Variants in COL4A5 observed in about 807,000 individuals in gnomAD.
The protein encoded by COL4A5 is collagen type IV alpha 5 chain.
COL4A5 carries 26 observed loss-of-function variants against 130.2 expected under a neutral mutation model. The ratio of observed to expected loss-of-function variants is 0.20; its 90% CI spans 0.15 to 0.28. The LOEUF (loss-of-function observed/expected upper bound fraction) is 0.28, where lower values mean the gene tolerates loss of function less well. Among genes scored for constraint, COL4A5 ranks in the 10% least tolerant of loss-of-function variants. COL4A5 has a pLI of 1.00. For synonymous variants in COL4A5, 496 were observed against 439.6 expected, an observed-to-expected ratio of 1.13 and a Z score of -1.60; for missense variants, 1,131 against 1,344.3, an observed-to-expected ratio of 0.84 and a Z score of 2.48.
At chrX:108,611,712 C>T (rs1392679732) in intron 29 of COL4A5, among the ~76,000 whole-genome samples, 2 of 110,702 alleles carry the variant, frequency 1.8e-5, no homozygotes, top group Non-Finnish European at 3.8e-5. Context: ...CTGGTAAATT[C>T]TAACAAACAT....
intron 36 of COL4A5, among the ~76,000 whole-genome samples, chrX:108,646,533 C>T (rs2067594012): frequency 9.0e-6 from 1 of 110,874 alleles, no homozygotes; most frequent in Admixed American, 9.6e-5. Flanking sequence ...TGTAGGTTGC[C>T]TGTTCACTCT....
At chrX:108,531,531 A>G (rs182029531) in intron 1 of COL4A5, among the ~76,000 whole-genome samples, 3 of 110,100 alleles carry the variant, frequency 2.7e-5, no homozygotes, top group East Asian at 2.8e-4. Context: ...CAATCTAGCA[A>G]TGCACCTCAA....
chrX:108,601,671 C>T (rs1230914919), intron 26 of COL4A5, among the ~76,000 whole-genome samples, 186 bp downstream of exon 26: 4 of 109,788 alleles, frequency 3.6e-5, no homozygotes, highest in African/African-American at 1.3e-4. Context: ...GCTGGGATTA[C>T]AGGCGCCCAC....
chrX:108,665,429 A>G (rs1303254467), intron 37 of COL4A5, 78 bp from the exon 38 acceptor site: 6 of 713,387 alleles, frequency 8.4e-6, no homozygotes, highest in Non-Finnish European at 1.3e-5. Flanking sequence ...TGCTAGCACT[A>G]TAAATTGTAA....
chrX:108,508,517 C>T (rs1023257798), intron 1 of COL4A5, among the ~76,000 whole-genome samples: 7 of 92,852 alleles, frequency 7.5e-5, no homozygotes, highest in African/African-American at 1.7e-4. Flanking sequence ...TGACATTCTT[C>T]GCAGAACTAG....
intron 36 of COL4A5, among the ~76,000 whole-genome samples, chrX:108,647,696 A>C (rs1205862639): frequency 5.4e-5 from 6 of 111,506 alleles, no homozygotes; most frequent in Admixed American, 2.9e-4. Flanking sequence ...TTTGCCCATT[A>C]AGTATGATAT....
intron 36 of COL4A5, chrX:108,627,098 T>C (rs756676823): frequency 3.1e-6 from 2 of 639,669 alleles, no homozygotes; most frequent in South Asian, 1.6e-4. Context: ...ATTTTGATCA[T>C]CTAATTGATC....
chrX:108,578,100 A>G lies in COL4A5; in HGVS notation c.668A>G (p.Gln223Arg). ...CAGGGGAATATGGGCTTAAATTTCC[A>G]GGGACCCAAAGGTGAAAAAGTGAGT... ...GPKGNMGLNFQGPKGEKGEQG... is the reference protein window; with the variant it reads ...GPKGNMGLNFRGPKGEKGEQG... Residue 223 changes from glutamine to arginine, a missense_variant, in exon 12 of 53, where the codon CAG becomes CGG. Gln to Arg is a conservative substitution (Grantham distance 43, BLOSUM62 1). Transcript: ENST00000328300. 1 of 1,210,478 alleles carries G rather than the reference A, an allele frequency of 8.3e-7. No individual in the cohort carries two copies. Among genetic ancestry groups the G allele is most frequent in the South Asian group, 1.8e-5 (1 of 56,861 alleles).
chrX:108,573,104 G>C (rs1001991118), intron 8 of COL4A5, among the ~76,000 whole-genome samples: 1 of 108,157 alleles, frequency 9.2e-6, no homozygotes, highest in African/African-American at 3.4e-5. Context: ...GACTACCCAA[G>C]CTAATTTTCT....
intron 29 of COL4A5, among the ~76,000 whole-genome samples, chrX:108,610,155 C>T (rs955600798): frequency 1.8e-5 from 2 of 110,130 alleles, no homozygotes; most frequent in African/African-American, 3.3e-5. Context: ...TCTTCTACTC[C>T]CTTGATTTTG....
chrX:108,470,787 T>G (rs1460488713), intron 1 of COL4A5, among the ~76,000 whole-genome samples: 1 of 111,861 alleles, frequency 8.9e-6, no homozygotes, highest in East Asian at 2.8e-4. Context: ...TGTGCTACAT[T>G]TAAGTCTTTA....
At position 108,597,014 on chromosome X, in the gene COL4A5, T is replaced by C; in HGVS notation, c.1533T>C (p.Pro511=). 2 of 1,187,128 alleles carry C rather than the reference T, an allele frequency of 1.7e-6. No individual in the cohort carries two copies. Among genetic ancestry groups the C allele is most frequent in the Non-Finnish European group, 2.3e-6 (2 of 881,099 alleles). ...GTGTGTTAGGATCTCTTGGTTTCCC[T>C]GGACAGAAAGGGGAAAAAGGACAAG... ...LPGPPGSLGF[P]GQKGEKGQAG... is the part of the protein sequence containing the mutation. Residue 511 remains proline (P), a synonymous_variant, in exon 23 of 53, where the codon CCT becomes CCC. Coordinates refer to ENST00000328300, the MANE Select transcript of COL4A5 (RefSeq NM_033380.3).
intron 36 of COL4A5, among the ~76,000 whole-genome samples, chrX:108,637,367 C>T (rs969015133): frequency 1.8e-5 from 2 of 110,956 alleles, no homozygotes; most frequent in African/African-American, 3.3e-5. Context: ...AAATCAAAAA[C>T]CTAACTTTAC....
At chrX:108,603,126 T>C in intron 28 of COL4A5, 65 bp downstream of exon 28, 2 of 735,411 alleles carry the variant, frequency 2.7e-6, no homozygotes, top group Non-Finnish European at 2.1e-6. Context: ...TATTTCTAGC[T>C]CTCTATTTTG....
chrX:108,555,737 G>A (rs1339471284), intron 2 of COL4A5, among the ~76,000 whole-genome samples: 4 of 111,348 alleles, frequency 3.6e-5, no homozygotes, highest in East Asian at 2.8e-4. Flanking sequence ...TATAAAGTGC[G>A]CTTCCTGAAG....
chrX:108,626,366 A>G lies in COL4A5; in HGVS notation c.3246+17A>G. 8.3e-7 allele frequency: 1 copy of G among 1,209,871 alleles called. No individual in the cohort carries two copies. The highest frequency in any genetic ancestry group is 1.1e-6 in the Non-Finnish European group (1 of 894,259). On this transcript the variant is annotated intron_variant, in intron 36 of 52. Transcript: ENST00000328300. ...GGTCCAAAGGTAATCTTTGGCATAT[A>G]GTTTTAGGCACATACTTGAGCAGAT...
chrX:108,471,345 T>A (rs2064768067), intron 1 of COL4A5, among the ~76,000 whole-genome samples: 2 of 112,104 alleles, frequency 1.8e-5, no homozygotes, highest in South Asian at 3.7e-4. Context: ...GTAGTTCTTC[T>A]TGTAGAGATA....
intron 36 of COL4A5, among the ~76,000 whole-genome samples, chrX:108,629,753 T>A (rs1348761271): frequency 9.0e-6 from 1 of 111,249 alleles, no homozygotes; most frequent in African/African-American, 3.3e-5. Context: ...CGTATTGGTT[T>A]GTTGCACCCA....
At chrX:108,570,854 A>G (rs1385546836) in intron 6 of COL4A5, among the ~76,000 whole-genome samples, 1 of 111,979 alleles carries the variant, frequency 8.9e-6, no homozygotes, top group Admixed American at 9.5e-5. Flanking sequence ...TTTGTTTTCT[A>G]AACCAAGTGT....
Sources: allele counts gnomAD v4.1 joint callset (sites outside exome capture counted in the v4.1 genomes callset), GRCh38; gene constraint gnomAD v4.1.1; transcripts MANE v1.5; gene names NCBI Gene and HGNC (gene_info 2026-07-23, HGNC 2026-07-21).